The following GRSF1 variants were observed in gnomAD, a reference collection of about 807,000 sequenced individuals.
GRSF1 encodes the protein G-rich sequence factor 1.
A neutral mutation model predicts 51.1 loss-of-function variants in GRSF1; 50 were observed. The observed-to-expected ratio is 0.98, with a 90% CI of 0.78 to 1.24. The LOEUF is 1.24. Among genes scored for constraint, GRSF1 ranks in the 50% most tolerant of loss-of-function variants. The pLI is 0.00. For missense variants in GRSF1, 700 were observed against 639.7 expected (o/e 1.09, Z -1.02); for synonymous variants, 293 against 253.3 (o/e 1.16, Z -1.49).
intron 1 of GRSF1, 21 bp from the exon 2 acceptor site, chr4:70,836,335 T>C (rs755870616): frequency 2.0e-6 from 3 of 1,507,962 alleles, no homozygotes; most frequent in East Asian, 2.4e-5. Flanking sequence ...AAATGAAGAA[T>C]TGTAAAAAGA....
At chr4:70,833,983 G>A (rs1175019221) in intron 2 of GRSF1, among the ~76,000 whole-genome samples, 2 of 152,216 alleles carry the variant, frequency 1.3e-5, no homozygotes, top group Non-Finnish European at 2.9e-5. Flanking sequence ...GAAATAGCCA[G>A]GCATGGTGGT....
upstream of GRSF1, chr4:70,839,892 G>C (rs1734401410): frequency 1.4e-6 from 2 of 1,400,824 alleles, no homozygotes; most frequent in Non-Finnish European, 9.3e-7. Flanking sequence ...AACGGAAGTG[G>C]AATCCAGGGC....
chr4:70,821,761 C>T (rs1041425508), intron 9 of GRSF1, among the ~76,000 whole-genome samples: 6 of 151,380 alleles, frequency 4.0e-5, no homozygotes, highest in Admixed American at 1.3e-4. Context: ...CTGCAACCTC[C>T]GCCTCCCAGA....
intron 7 of GRSF1, chr4:70,825,909 G>T (rs1235282267): frequency 2.2e-6 from 1 of 449,696 alleles, no homozygotes. Flanking sequence ...TCCAGCCTGG[G>T]CGACAGAGCG....
intron 8 of GRSF1, 34 bp downstream of exon 8, chr4:70,825,262 A>G (rs1181822129): frequency 1.3e-6 from 2 of 1,545,586 alleles, no homozygotes; most frequent in Non-Finnish European, 1.8e-6. Flanking sequence ...GACAAGCATC[A>G]AAAATGACAA....
At chr4:70,824,413 G>GA (rs1254177825) in intron 8 of GRSF1, 45 bp from the exon 9 acceptor site, 1 of 972,676 alleles carries the variant, frequency 1.0e-6, no homozygotes, top group Non-Finnish European at 1.6e-6. Flanking sequence ...TGAAAAGGTA[G>GA]AAAAATATTA....
intron 2 of GRSF1, 33 bp downstream of exon 2, chr4:70,836,125 A>T (rs548924518): frequency 1.5e-4 from 189 of 1,291,400 alleles, no homozygotes; most frequent in South Asian, 3.9e-4. Context: ...ATAAGGAAAA[A>T]AAATAAATAA....
intron 7 of GRSF1, 109 bp from the exon 8 acceptor site, chr4:70,825,540 A>G (rs903766935): frequency 8.5e-5 from 61 of 721,824 alleles, no homozygotes; most frequent in Non-Finnish European, 3.8e-5. Context: ...CACTTGATAC[A>G]TTTCTTTTTA....
At chr4:70,832,108 T>A (rs1000667340) in intron 4 of GRSF1, among the ~76,000 whole-genome samples, 199 bp downstream of exon 4, 3 of 152,132 alleles carry the variant, frequency 2.0e-5, no homozygotes, top group Non-Finnish European at 4.4e-5. Flanking sequence ...GAAATCTGAC[T>A]TCCCTCCTAA....
In GRSF1 at chr4:70,833,139, T is replaced by C. The variant is rs1469027443; in HGVS notation, c.649A>G (p.Met217Val). The change falls in exon 3 of 10, where the codon ATG becomes GTG. Residue 217 changes from methionine to valine, a missense_variant. Physicochemically the swap from Met to Val is conservative, Grantham distance 21. Transcript: ENST00000254799. Reference protein sequence around the residue: ...QKALEKHRMYMGQRYVEVYEI... With the variant: ...QKALEKHRMYVGQRYVEVYEI... ...ATACCTTCCACATACCGCTGGCCCA[T>C]GTACATGCGGTGCTTCTCTAAGGCT... 14 of 1,613,974 alleles carry C rather than the reference T, an allele frequency of 8.7e-6. No homozygotes were observed. Among genetic ancestry groups the C allele is most frequent in the East Asian group, 4.5e-5 (2 of 44,884 alleles).
chr4:70,826,201 A>T lies in GRSF1; in HGVS notation c.1180T>A (p.Phe394Ile). 1.2e-6 allele frequency: 2 copies of T among 1,610,820 alleles called. No individual in the cohort carries two copies. Among genetic ancestry groups the T allele is most frequent in the South Asian group, 1.1e-5 (1 of 90,686 alleles). The change falls in exon 7 of 10, where the codon TTT becomes ATT. Residue 394 changes from phenylalanine (F) to isoleucine (I), a missense_variant. By Grantham distance (21) the Phe-to-Ile change is conservative. Transcript: ENST00000254799. Reference protein sequence around the residue: ...VPEKLPEAADFGTTSSLHFVH... With the variant: ...VPEKLPEAADIGTTSSLHFVH... Reference sequence around the variant, plus strand: ...AAATGCAGAGAAGACGTAGTTCCAAAATCAGCAGCCTCTGGAAGCTTTTCT... The same window carrying T: ...AAATGCAGAGAAGACGTAGTTCCAATATCAGCAGCCTCTGGAAGCTTTTCT...
At position 70,828,032 on chromosome 4, in the gene GRSF1, T is replaced by G; in HGVS notation, c.955A>C (p.Ile319Leu). ...KHREEIGNRY[I>L]EIFPSRRNEV... ...TTCCTTCTGCTTGGAAATATCTCGATGTATCTATGTCAAAGCAAAAGTAAA... is the reference window on the plus strand; with the variant it reads ...TTCCTTCTGCTTGGAAATATCTCGAGGTATCTATGTCAAAGCAAAAGTAAA... Residue 319 changes from isoleucine (I) to leucine (L), a missense_variant, in exon 6 of 10, where the codon ATC becomes CTC. Transcript: ENST00000254799. 1 of 1,612,398 alleles carries G rather than the reference T, an allele frequency of 6.2e-7. No homozygotes were observed. The highest frequency in any genetic ancestry group is 8.5e-7 in the Non-Finnish European group (1 of 1,178,818).
intron 9 of GRSF1, among the ~76,000 whole-genome samples, chr4:70,823,887 A>G (rs1351419058): frequency 2.0e-5 from 3 of 152,048 alleles, no homozygotes; most frequent in Non-Finnish European, 2.9e-5. Flanking sequence ...GAAAAATAAA[A>G]AGAGAATGGT....
intron 9 of GRSF1, among the ~76,000 whole-genome samples, chr4:70,823,679 G>A (rs1733613710): frequency 6.6e-6 from 1 of 151,886 alleles, no homozygotes; most frequent in Non-Finnish European, 1.5e-5. Flanking sequence ...AGGCCAGCCT[G>A]GGCAACATAG....
intron 5 of GRSF1, among the ~76,000 whole-genome samples, chr4:70,830,713 G>A (rs915569201): frequency 6.6e-6 from 1 of 151,838 alleles, no homozygotes; most frequent in Non-Finnish European, 1.5e-5. Context: ...CAGCTACTCA[G>A]GAGGCTGAGG....
At chr4:70,828,336 T>C (rs926563898) in intron 5 of GRSF1, among the ~76,000 whole-genome samples, 5 of 152,208 alleles carry the variant, frequency 3.3e-5, no homozygotes, top group Admixed American at 6.5e-5. Context: ...TAATTGTGTA[T>C]ACAGAAAAAA....
At position 70,817,046 on chromosome 4, in the gene GRSF1, A is replaced by G. The variant is rs1237103489; in HGVS notation, c.*3841T>C. The stretch of plus-strand genomic sequence containing the variant: ...ACCCACTAACACTTGCTTATAAATA[A>G]AGTAAAAGTCACTGCAAGCTTACAC... On this transcript the variant is annotated 3_prime_UTR_variant, in exon 10 of 10. Coordinates refer to ENST00000254799, the MANE Select transcript of GRSF1 (RefSeq NM_002092.4). 2 of 152,218 alleles carry G rather than the reference A, an allele frequency of 1.3e-5. No individual in the cohort carries two copies. Among genetic ancestry groups the G allele is most frequent in the Non-Finnish European group, 2.9e-5 (2 of 68,042 alleles). 9.4% of individuals were successfully genotyped at this position (152,218 alleles called of 1,614,324 possible).
rs1733444690 is a variant in GRSF1, at chr4:70,820,100, TCA to T, written c.*785_*786del. ...GTCTGGACTGTTCTGACATGTCACT[TCA>T]CAGTTTTGAGACTAACAAACACCCT... On this transcript the variant is annotated 3_prime_UTR_variant, in exon 10 of 10. Coordinates refer to ENST00000254799, the MANE Select transcript of GRSF1 (RefSeq NM_002092.4). 1 of 152,150 alleles carries T rather than the reference TCA, an allele frequency of 6.6e-6. No homozygotes were observed. Among genetic ancestry groups the T allele is most frequent in the African/African-American group, 2.4e-5 (1 of 41,418 alleles). 9.4% of individuals were successfully genotyped at this position (152,150 alleles called of 1,614,324 possible).
Position 70,820,018 on chromosome 4 carries a change from T to C in GRSF1, c.*869A>G, listed in dbSNP as rs998794828. ...TTTAAAAAGCAAATGAGGAGACTGATTTTTTTCCTATCTAGAGCTGGTTTA... is the reference window on the plus strand; with the variant it reads ...TTTAAAAAGCAAATGAGGAGACTGACTTTTTTCCTATCTAGAGCTGGTTTA... On this transcript the variant is annotated 3_prime_UTR_variant, in exon 10 of 10. Transcript: ENST00000254799. 1.3e-5 allele frequency: 2 copies of C among 152,520 alleles called. No homozygotes were observed. The highest frequency in any genetic ancestry group is 4.8e-5 in the African/African-American group (2 of 41,458). 9.4% of individuals were successfully genotyped at this position (152,520 alleles called of 1,614,324 possible).
Sources: allele counts gnomAD v4.1 joint callset (sites outside exome capture counted in the v4.1 genomes callset), GRCh38; gene constraint gnomAD v4.1.1; transcripts MANE v1.5; gene names NCBI Gene and HGNC (gene_info 2026-07-23, HGNC 2026-07-21).